TH: variants seen among roughly 807,000 people sequenced by gnomAD.
The protein encoded by TH is tyrosine hydroxylase.
A neutral mutation model predicts 57.4 loss-of-function variants in TH; 49 were observed. That is an observed-to-expected ratio of 0.85 (90% CI 0.68 to 1.08). The LOEUF (loss-of-function observed/expected upper bound fraction) is 1.08. Ranked by LOEUF, TH falls within the 50% of genes least tolerant of loss-of-function variation. The pLI is 0.00. For synonymous variants in TH, 330 were observed against 304.5 expected, an observed-to-expected ratio of 1.08 and a Z score of -0.87; for missense variants, 720 against 696.7, an observed-to-expected ratio of 1.03 and a Z score of -0.38.
At chr11:2,166,379 G>T (rs1846090280) in intron 9 of TH, 101 bp downstream of exon 9, 2 of 1,417,554 alleles carry the variant, frequency 1.4e-6, no homozygotes, top group Non-Finnish European at 9.4e-7. Context: ...GGGCCCGGGA[G>T]CAGGCAGCAC....
rs34510659 is a variant in TH, at chr11:2,169,776, C to T, written c.186G>A (p.Ser62=). 7,623 of 1,611,736 alleles carry T rather than the reference C, an allele frequency of 4.7e-3. 318 individuals carry two copies. The African/African-American group carries it at 0.087, about 18-fold the overall frequency. The change falls in exon 2 of 13, where the codon TCG becomes TCA. Residue 62 remains serine, a synonymous_variant. Transcript: ENST00000352909. ...AVAAAAAAVP[S]EPGDPLEAVA... ...CAGCCTCCAGGGGGTCCCCGGGCTC[C>T]GAGGGGACTGCAGCGGCCGCTGCTG... is the stretch of plus-strand genomic sequence containing the variant.
In TH at chr11:2,166,502, C is replaced by A. The variant is rs768713710; in HGVS notation, c.1025G>T (p.Arg342Leu). The A allele has an allele frequency of 4.4e-6, 7 of 1,595,912 alleles. No homozygotes were observed. Among genetic ancestry groups the A allele is most frequent in the Non-Finnish European group, 6.0e-6 (7 of 1,176,130 alleles). ...LLGHVPMLAD[R>L]TFAQFSQDIG... The stretch of plus-strand genomic sequence containing the variant: ...TACCTGCGAGAACTGCGCGAAGGTG[C>A]GGTCGGCCAGCATGGGCACGTGCCC... The change falls in exon 9 of 13, where the codon CGC becomes CTC. Residue 342 changes from arginine (R) to leucine (L), a missense_variant. Arg to Leu is a moderately radical substitution (Grantham distance 102). Transcript: ENST00000352909.
intron 5 of TH, 118 bp downstream of exon 5, chr11:2,167,748 A>C: frequency 7.7e-7 from 1 of 1,291,972 alleles, no homozygotes; most frequent in Non-Finnish European, 1.1e-6. Context: ...GCTGCCTGGC[A>C]GGAGGCACTG....
intron 12 of TH, 54 bp downstream of exon 12, chr11:2,165,178 G>C: frequency 6.2e-7 from 1 of 1,611,972 alleles, no homozygotes; most frequent in Non-Finnish European, 8.5e-7. Flanking sequence ...AGGAAGGCCT[G>C]GCTGGCCCAG....
intron 11 of TH, 79 bp downstream of exon 11, chr11:2,165,589 A>C (rs1590165610): frequency 6.7e-7 from 1 of 1,488,052 alleles, no homozygotes. Context: ...GTTTCCTCCC[A>C]CTGGGAGCCT....
rs1846121398 is a variant in TH at position 2,167,140 on chromosome 11, C to T, written c.696-108G>A. The T allele has an allele frequency of 2.7e-6, 4 of 1,483,702 alleles. No individual in the cohort carries two copies. The Admixed American group carries it at 6.1e-5, about 23-fold the overall frequency. 91.9% of individuals were successfully genotyped at this position (1,483,702 alleles called of 1,614,324 possible). On this transcript the variant is annotated intron_variant, in intron 6 of 12. Transcript: ENST00000352909. ...TGCCTGAGCCCCTACCAACGCAGGC[C>T]TCTTGGGGACCCCTGAAGACCCAGG...
At chr11:2,167,113 C>T (rs1846120681) in intron 6 of TH, 81 bp from the exon 7 acceptor site, 2 of 1,527,978 alleles carry the variant, frequency 1.3e-6, no homozygotes, top group African/African-American at 1.4e-5. Context: ...GGTGCCTCTG[C>T]CTGCCTGAGC....
In TH at chr11:2,165,705, T is replaced by C. The variant is rs755107030; in HGVS notation, c.1163A>G (p.Tyr388Cys). The change falls in exon 11 of 13, where the codon TAT (tyrosine) becomes TGT (cysteine). Residue 388 changes from tyrosine to cysteine, a missense_variant. Transcript: ENST00000352909. ...GTAGGAGGACAGCAGCCCGGCACCA[T>C]AGGCCTTCACCTCCCCGTTCTGCTT... ...LCKQNGEVKAYGAGLLSSYGE... is the reference protein window; with the variant it reads ...LCKQNGEVKACGAGLLSSYGE... The C allele has an allele frequency of 1.9e-6, 3 of 1,612,528 alleles. No homozygotes were observed. The African/African-American group carries it at 4.0e-5, about 22-fold the overall frequency.
chr11:2,168,634 G>A lies in TH; in HGVS notation c.344C>T (p.Thr115Ile), dbSNP rs756013579. 8.7e-6 allele frequency: 14 copies of A among 1,610,892 alleles called. No individual in the cohort carries two copies. The highest frequency in any genetic ancestry group is 1.7e-4 in the Middle Eastern group (1 of 5,972). Residue 115 changes from threonine (T) to isoleucine (I), a missense_variant, in exon 3 of 13, where the codon ACC (threonine) becomes ATC (isoleucine). Coordinates refer to ENST00000352909, the MANE Select transcript of TH (RefSeq NM_000360.4). ...AGCTCGCGGCCTCTGGGCGGGCCGGGTCTCTAGATGGTGGATTTTGGCTTC... is the reference window on the plus strand; with the variant it reads ...AGCTCGCGGCCTCTGGGCGGGCCGGATCTCTAGATGGTGGATTTTGGCTTC... ...TFEAKIHHLE[T>I]RPAQRPRAGG...
rs764689284 is a variant in TH at position 2,170,699 on chromosome 11, G to A, written c.91-828C>T. The A allele has an allele frequency of 7.9e-5, 127 of 1,605,502 alleles. 1 individual carries two copies. In the Middle Eastern group the frequency reaches 1.5e-3, roughly 19 times the overall value. ...GTCCCCTCTTACTTACCCTTGGGGT[G>A]GGGGTGTAGGATGCAGCTGGGGCTG... On this transcript the variant is annotated intron_variant, in intron 1 of 12. Transcript: ENST00000352909. The surrounding 1 kb of genome is among the most constrained non-coding windows in gnomAD (Gnocchi z 6.0).
At chr11:2,165,950 A>T (rs568926164) in intron 10 of TH, 52 bp downstream of exon 10, 14 of 1,542,122 alleles carry the variant, frequency 9.1e-6, no homozygotes. Flanking sequence ...TGAGGCCTGG[A>T]TTCAGACCCC....
Position 2,164,293 on chromosome 11 carries a change from G to A in TH, c.1434C>T (p.Ser478=). ...CCAGCTCATCCTGGACACCCTCCAG[G>A]GAGCGCCGCACGGCCTGGGGGCTGT... ...VLDSPQAVRR[S]LEGVQDELDT... is the part of the protein sequence containing the mutation. The change falls in exon 13 of 13, where the codon TCC becomes TCT. Residue 478 remains serine (S), a synonymous_variant. Coordinates refer to ENST00000352909, the MANE Select transcript of TH (RefSeq NM_000360.4). The A allele has an allele frequency of 6.6e-7, 1 of 1,512,274 alleles. No individual in the cohort carries two copies. The highest frequency in any genetic ancestry group is 8.9e-7 in the Non-Finnish European group (1 of 1,126,832). The allele number at this position is 1,512,274 out of a possible 1,614,324, so 93.7% of individuals were successfully genotyped here.
chr11:2,166,782 C>T lies in TH; in HGVS notation c.842-14G>A, dbSNP rs560689972. ...AGCCCGTGCGCTCTGCAAGGGGCCA[C>T]GCGGGTCACTGCCGAGCCGGGACGG... On this transcript the variant is annotated splice_polypyrimidine_tract_variant and intron_variant, in intron 7 of 12. Coordinates refer to ENST00000352909, the MANE Select transcript of TH (RefSeq NM_000360.4). The T allele has an allele frequency of 7.0e-5, 108 of 1,547,982 alleles. No homozygotes were observed. The African/African-American group carries it at 1.1e-3, about 16-fold the overall frequency.
chr11:2,166,593 A>AC lies in TH; in HGVS notation c.977+39dup, dbSNP rs778523740. 207 of 1,583,578 alleles carry AC rather than the reference A, an allele frequency of 1.3e-4. 1 individual carries two copies. In the East Asian group the frequency reaches 4.5e-3, roughly 35 times the overall value. ...AGGGGGCTGAGGGGCCGCCCGTCGC[A>AC]CCCCCCACCCTCGGGCTGGCGGCCA... On this transcript the variant is annotated intron_variant, in intron 8 of 12. Transcript: ENST00000352909.
chr11:2,169,580 C>T (rs749465768), intron 2 of TH, 70 bp downstream of exon 2: 2 of 1,503,630 alleles, frequency 1.3e-6, no homozygotes, highest in Non-Finnish European at 1.9e-6. Flanking sequence ...ATAGAGGGGT[C>T]AGGAACTCAG....
At chr11:2,167,765 G>A (rs1235280225) in intron 5 of TH, 101 bp downstream of exon 5, 7 of 1,385,322 alleles carry the variant, frequency 5.1e-6, no homozygotes, top group Non-Finnish European at 7.0e-6. Flanking sequence ...ACTGATGCTG[G>A]TGACAAGATG....
intron 5 of TH, 104 bp from the exon 6 acceptor site, chr11:2,167,589 C>A: frequency 7.2e-7 from 1 of 1,384,674 alleles, no homozygotes; most frequent in South Asian, 1.3e-5. Context: ...CCTAGTGCAG[C>A]GAGGCCTTTG....
chr11:2,164,000 G>A lies in TH; in HGVS notation c.*233C>T. 1 of 394,370 alleles carries A rather than the reference G, an allele frequency of 2.5e-6. No homozygotes were observed. The highest frequency in any genetic ancestry group is 4.5e-6 in the Non-Finnish European group (1 of 223,666). The allele number at this position is 394,370 out of a possible 1,614,324, so 24.4% of individuals were successfully genotyped here. A position where few individuals can be genotyped will look rare whatever the true frequency, so the allele number is the denominator to read the frequency against. ...CAGTGTCAGGGAAGGGCGGAGGGCA[G>A]TGCAGCAGCCCCCAGGACCCTGGGA... is the stretch of plus-strand genomic sequence containing the variant. On this transcript the variant is annotated 3_prime_UTR_variant, in exon 13 of 13. Transcript: ENST00000352909.
intron 3 of TH, 26 bp downstream of exon 3, chr11:2,168,465 C>A: frequency 6.2e-7 from 1 of 1,611,542 alleles, no homozygotes; most frequent in Non-Finnish European, 8.5e-7. Context: ...CATTTGGTGG[C>A]CCTCAAGGAC....
Sources: allele counts gnomAD v4.1 joint callset, GRCh38; gene constraint gnomAD v4.1.1; non-coding constraint Gnocchi (gnomAD v3.1); transcripts MANE v1.5; gene names NCBI Gene and HGNC (gene_info 2026-07-23, HGNC 2026-07-21).